DGKB: variants seen among roughly 807,000 people sequenced by gnomAD.
The protein encoded by DGKB is diacylglycerol kinase beta.
A neutral mutation model predicts 114.3 loss-of-function variants in DGKB; 67 were observed. That is an observed-to-expected ratio of 0.59 (90% CI 0.48 to 0.72). DGKB has a LOEUF of 0.72. DGKB is among the 30% of genes least tolerant of loss of function. The pLI, the probability that DGKB is intolerant of heterozygous loss-of-function variation, is 0.00. For synonymous variants in DGKB, 398 were observed against 323.1 expected (o/e 1.23, Z -2.49); for missense variants, 907 against 975.2 (o/e 0.93, Z 0.93).
chr7:14,880,357 C>T (rs1222868608), intron 1 of DGKB, among the ~76,000 whole-genome samples: 2 of 152,082 alleles, frequency 1.3e-5, no homozygotes, highest in Non-Finnish European at 2.9e-5. Flanking sequence ...ACTCGGGAGG[C>T]TGAGGTAGAA....
chr7:14,803,743 G>A (rs1272469266), intron 2 of DGKB, among the ~76,000 whole-genome samples: 1 of 152,030 alleles, frequency 6.6e-6, no homozygotes, highest in Non-Finnish European at 1.5e-5. Flanking sequence ...GATAGATAAA[G>A]CTTTCTGTAT....
chr7:14,632,922 A>G (rs960101160), intron 13 of DGKB, among the ~76,000 whole-genome samples: 2 of 151,892 alleles, frequency 1.3e-5, no homozygotes, highest in African/African-American at 4.8e-5. Flanking sequence ...AAATGCAGAA[A>G]CCCACAGCGG....
At chr7:14,592,333 C>T (rs1801846736) in intron 17 of DGKB, among the ~76,000 whole-genome samples, 12 of 151,880 alleles carry the variant, frequency 7.9e-5, no homozygotes, top group Admixed American at 7.9e-4. Context: ...AAAATAATTT[C>T]AAGAGCTTTC....
At chr7:14,426,265 A>T (rs1386238353) in intron 21 of DGKB, among the ~76,000 whole-genome samples, 1 of 152,184 alleles carries the variant, frequency 6.6e-6, no homozygotes, top group Non-Finnish European at 1.5e-5. Context: ...TTTGCTATTT[A>T]TGTATAAAGG....
chr7:14,924,006 C>CAAAAAAAAAAAAAAA (rs1554345961), intron 1 of DGKB, among the ~76,000 whole-genome samples: 3 of 90,684 alleles, frequency 3.3e-5, no homozygotes, highest in Non-Finnish European at 5.5e-5. Flanking sequence ...AAAAAAAAAG[C>CAAAAAAAAAAAAAAA]TTTGTCCTAT....
At chr7:14,419,788 G>A (rs964937856) in intron 21 of DGKB, among the ~76,000 whole-genome samples, 1 of 151,966 alleles carries the variant, frequency 6.6e-6, no homozygotes, top group African/African-American at 2.4e-5. Flanking sequence ...TGTGACAAAT[G>A]AGTGTAAAAT....
chr7:14,925,865 T>TCCC (rs36061275), intron 1 of DGKB, among the ~76,000 whole-genome samples: 281 of 148,716 alleles, frequency 1.9e-3, no homozygotes, highest in South Asian at 8.4e-3. Context: ...AATAATTGGG[T>TCCC]CCCCCCCCCA....
intron 21 of DGKB, among the ~76,000 whole-genome samples, chr7:14,346,969 A>C (rs552246331): frequency 2.0e-5 from 3 of 152,098 alleles, no homozygotes; most frequent in African/African-American, 7.2e-5. Context: ...TTTTCTCCAG[A>C]CCTTCCAGGA....
At chr7:14,218,090 T>C (rs1198120290) in intron 23 of DGKB, among the ~76,000 whole-genome samples, 1 of 152,094 alleles carries the variant, frequency 6.6e-6, no homozygotes, top group Non-Finnish European at 1.5e-5. Context: ...ACAAGACACA[T>C]GTCCCAGATG....
chr7:14,797,108 T>C (rs1289611964), intron 2 of DGKB, among the ~76,000 whole-genome samples: 1 of 152,116 alleles, frequency 6.6e-6, no homozygotes, highest in Non-Finnish European at 1.5e-5. Context: ...AGTCAATGTT[T>C]TTACTTTTTA....
At chr7:14,346,428 C>T (rs1347101659) in intron 21 of DGKB, among the ~76,000 whole-genome samples, 1 of 151,830 alleles carries the variant, frequency 6.6e-6, no homozygotes, top group East Asian at 1.9e-4. Flanking sequence ...TCTATCTAAA[C>T]ATAGTCAATA....
intron 1 of DGKB, among the ~76,000 whole-genome samples, chr7:14,870,729 A>C (rs1405455335): frequency 2.0e-5 from 3 of 152,068 alleles, no homozygotes; most frequent in Non-Finnish European, 4.4e-5. Context: ...CAGGAGGGGG[A>C]GGTTGCAGTG....
intron 4 of DGKB, among the ~76,000 whole-genome samples, chr7:14,750,873 G>A (rs550917582): frequency 6.0e-5 from 8 of 132,672 alleles, no homozygotes; most frequent in Admixed American, 3.6e-4. Flanking sequence ...GCGCGATCTC[G>A]GTTCACTGCA....
At chr7:14,675,237 T>C (rs908150587) in intron 12 of DGKB, among the ~76,000 whole-genome samples, 1 of 152,108 alleles carries the variant, frequency 6.6e-6, no homozygotes, top group Non-Finnish European at 1.5e-5. Context: ...GGGCAGGACA[T>C]ACTGAGTCTT....
rs551618345 is a variant in DGKB at position 14,689,199 on chromosome 7, A to ATTTTTTTTTTTTTTTT, written c.712-3853_712-3838dup. ...TGACAATGTGACAGAAACTCCTCTTATTTTTTTTTTTTTTTTTTTTTTTTT... is the reference window on the plus strand; with the variant it reads ...TGACAATGTGACAGAAACTCCTCTTATTTTTTTTTTTTTTTTTTTTTTTTTTTTTTTTTTTTTTTTT... On this transcript the variant is annotated intron_variant, in intron 9 of 25. Transcript: ENST00000402815. Among the ~76,000 whole-genome samples, 263 of 76,534 alleles carry ATTTTTTTTTTTTTTTT rather than the reference A, an allele frequency of 3.4e-3. 50 individuals are homozygous for ATTTTTTTTTTTTTTTT. The highest frequency in any genetic ancestry group is 0.018 in the East Asian group (25 of 1,422). The allele number at this position is 76,534 out of a possible 152,430, so 50.2% of individuals were successfully genotyped here. A position where few individuals can be genotyped will look rare whatever the true frequency, so the allele number is the denominator to read the frequency against.
chr7:14,803,371 T>C (rs1381139911), intron 2 of DGKB, among the ~76,000 whole-genome samples: 1 of 152,200 alleles, frequency 6.6e-6, no homozygotes, highest in East Asian at 1.9e-4. Flanking sequence ...TTTTAATCCT[T>C]GCATCTAATA....
chr7:14,474,640 T>C (rs749735050), intron 21 of DGKB, among the ~76,000 whole-genome samples: 36 of 152,028 alleles, frequency 2.4e-4, no homozygotes, highest in Non-Finnish European at 4.7e-4. Context: ...AAATAATTAT[T>C]AATATCCTTT....
intron 15 of DGKB, chr7:14,621,167 A>G: frequency 2.2e-6 from 1 of 444,824 alleles, no homozygotes. Context: ...AAATGGAGAT[A>G]AAATCATAAA....
At chr7:14,660,120 C>G (rs563313659) in intron 13 of DGKB, among the ~76,000 whole-genome samples, 243 of 151,462 alleles carry the variant, frequency 1.6e-3, no homozygotes, top group African/African-American at 5.3e-3. Context: ...TGATGTGCTG[C>G]TGGATTTGTT....
Sources: gnomAD v4.1 joint callset for allele counts (sites outside exome capture counted in the v4.1 genomes callset) on GRCh38, gnomAD v4.1.1 for gene constraint, MANE v1.5 for transcripts, NCBI Gene and HGNC (gene_info 2026-07-23, HGNC 2026-07-21) for gene names.